Variants in GMDS observed in about 807,000 individuals in gnomAD.
GMDS encodes GDP-mannose 4,6-dehydratase.
GMDS carries 20 observed loss-of-function variants against 49.9 expected under a neutral mutation model. That is an observed-to-expected ratio of 0.40 (90% CI 0.28 to 0.58). The LOEUF (loss-of-function observed/expected upper bound fraction) is 0.58, where lower values mean the gene tolerates loss of function less well. Ranked by LOEUF, GMDS falls within the 20% of genes least tolerant of loss-of-function variation. The pLI, the probability that GMDS is intolerant of heterozygous loss-of-function variation, is 0.42. For missense variants in GMDS, 362 were observed against 481.4 expected, an observed-to-expected ratio of 0.75 and a Z score of 2.32; for synonymous variants, 177 against 178.6, an observed-to-expected ratio of 0.99 and a Z score of 0.07.
At chr6:2,048,554 C>G (rs1057407113) in intron 4 of GMDS, among the ~76,000 whole-genome samples, 1 of 152,188 alleles carries the variant, frequency 6.6e-6, no homozygotes, top group African/African-American at 2.4e-5. Flanking sequence ...TTGTAATCAA[C>G]TTATCAATTT....
At chr6:2,134,211 C>A (rs115086731) in intron 1 of GMDS, among the ~76,000 whole-genome samples, 3 of 152,118 alleles carry the variant, frequency 2.0e-5, no homozygotes, top group African/African-American at 7.2e-5. Flanking sequence ...GAACAGTTGG[C>A]GAGATACTGA....
At chr6:1,667,635 G>A (rs1452897086) in intron 9 of GMDS, among the ~76,000 whole-genome samples, 1 of 151,930 alleles carries the variant, frequency 6.6e-6, no homozygotes, top group Non-Finnish European at 1.5e-5. Context: ...AAAATTGATG[G>A]TGACAGTCCT....
chr6:1,931,647 G>C (rs1165745670), intron 6 of GMDS, among the ~76,000 whole-genome samples: 1 of 152,104 alleles, frequency 6.6e-6, no homozygotes. Context: ...CTATTGACTT[G>C]TAAGAATTAA....
At chr6:2,156,525 CTGTT>C (rs1338464963) in intron 1 of GMDS, among the ~76,000 whole-genome samples, 3 of 152,118 alleles carry the variant, frequency 2.0e-5, no homozygotes. Context: ...ATTTAAGTCA[CTGTT>C]TTTTTACAAA....
chr6:2,154,863 C>CAAA (rs70992124), intron 1 of GMDS, among the ~76,000 whole-genome samples: 1,125 of 65,654 alleles, frequency 0.017, 45 homozygotes, highest in South Asian at 0.098. Context: ...TGAAGAGATG[C>CAAA]AAAAAAAAAA....
intron 4 of GMDS, among the ~76,000 whole-genome samples, chr6:2,065,762 G>A (rs1207876902): frequency 6.6e-6 from 1 of 152,130 alleles, no homozygotes; most frequent in African/African-American, 2.4e-5. Context: ...CAAGAAATAT[G>A]GGACTATGTG....
At chr6:2,168,424 G>A (rs1179336439) in intron 1 of GMDS, among the ~76,000 whole-genome samples, 1 of 152,180 alleles carries the variant, frequency 6.6e-6, no homozygotes, top group African/African-American at 2.4e-5. Flanking sequence ...CAAACAAAAT[G>A]TGGGCCTCAG....
rs750925689 is a variant in GMDS at position 1,726,512 on chromosome 6, C to A, written c.891G>T (p.Val297=). The part of the protein sequence containing the change: ...KSFLHIGKTI[V]WEGKNENEVG... ...CTTCATTTTCATTCTTTCCTTCCCA[C>A]CTGTAAGGAAGATAAACACTGAATC... The change falls in exon 9 of 11, where the codon GTG becomes GTT. Residue 297 remains valine (V), a splice_region_variant and synonymous_variant. Transcript: ENST00000380815. The A allele has an allele frequency of 6.2e-7, 1 of 1,600,706 alleles. No homozygotes were observed. Among genetic ancestry groups the A allele is most frequent in the South Asian group, 1.1e-5 (1 of 90,838 alleles).
intron 1 of GMDS, among the ~76,000 whole-genome samples, chr6:2,166,945 G>A (rs1285137166): frequency 1.3e-5 from 2 of 152,152 alleles, no homozygotes; most frequent in Non-Finnish European, 2.9e-5. Context: ...AATAGGCCAA[G>A]GAAAATCCCA....
At chr6:1,652,035 C>A (rs1454351436) in intron 9 of GMDS, among the ~76,000 whole-genome samples, 1 of 151,828 alleles carries the variant, frequency 6.6e-6, no homozygotes, top group African/African-American at 2.4e-5. Context: ...TCTGAGCTTT[C>A]TCTTGGTGGA....
chr6:1,872,797 G>A (rs1758841033), intron 7 of GMDS, among the ~76,000 whole-genome samples: 1 of 152,254 alleles, frequency 6.6e-6, no homozygotes, highest in African/African-American at 2.4e-5. Flanking sequence ...GAGATGACAA[G>A]TATTACACAG....
chr6:2,068,417 G>A (rs1378566342), intron 4 of GMDS, among the ~76,000 whole-genome samples: 1 of 152,040 alleles, frequency 6.6e-6, no homozygotes, highest in Non-Finnish European at 1.5e-5. Context: ...TCTGACCAGG[G>A]CAATTAGGCA....
intron 4 of GMDS, among the ~76,000 whole-genome samples, chr6:1,999,750 G>A (rs1766538799): frequency 6.7e-6 from 1 of 148,166 alleles, no homozygotes; most frequent in African/African-American, 2.5e-5. Context: ...GAAAGATAAG[G>A]AAATCTCCTC....
rs185573289 is a variant in GMDS, at chr6:2,048,433, A to G, written c.345+67338T>C. On this transcript the variant is annotated intron_variant, in intron 4 of 10. Coordinates refer to ENST00000380815, the MANE Select transcript of GMDS (RefSeq NM_001500.4). ...GGCCAATGCCTCACTGTTTTAATTA[A>G]TATGACTTAAAATAAATTTTACTAA... Among the ~76,000 whole-genome samples the G allele has an allele frequency of 2.5e-3, 376 of 152,354 alleles. 1 individual carries two copies. The highest frequency in any genetic ancestry group is 8.8e-3 in the African/African-American group (364 of 41,576).
At chr6:2,216,922 G>C (rs189690206) in intron 1 of GMDS, among the ~76,000 whole-genome samples, 2 of 152,002 alleles carry the variant, frequency 1.3e-5, no homozygotes, top group African/African-American at 2.4e-5. Context: ...GGCTCCTCAC[G>C]GAAAGGGAGC....
At chr6:1,949,312 C>T (rs1224385643) in intron 6 of GMDS, among the ~76,000 whole-genome samples, 10 of 152,180 alleles carry the variant, frequency 6.6e-5, no homozygotes, top group East Asian at 3.9e-4. Context: ...GAGTAAGTGA[C>T]GTGCCCAAAT....
At chr6:1,797,728 C>A (rs1363251679) in intron 7 of GMDS, among the ~76,000 whole-genome samples, 1 of 152,144 alleles carries the variant, frequency 6.6e-6, no homozygotes, top group Admixed American at 6.5e-5. Context: ...GTGGCAGAGC[C>A]GGTATCTGAA....
chr6:2,013,682 T>A (rs1423180448), intron 4 of GMDS, among the ~76,000 whole-genome samples: 1 of 151,634 alleles, frequency 6.6e-6, no homozygotes, highest in African/African-American at 2.4e-5. Context: ...ACAGAAAAAG[T>A]CAGTGAGCTT....
intron 7 of GMDS, among the ~76,000 whole-genome samples, chr6:1,854,508 A>G (rs1002387990): frequency 6.6e-6 from 1 of 152,198 alleles, no homozygotes; most frequent in Non-Finnish European, 1.5e-5. Context: ...CACCCAAGCT[A>G]TATGTGGCAA....
Sources: allele counts gnomAD v4.1 joint callset (sites outside exome capture counted in the v4.1 genomes callset), GRCh38; gene constraint gnomAD v4.1.1; transcripts MANE v1.5; gene names NCBI Gene and HGNC (gene_info 2026-07-23, HGNC 2026-07-21).